CCNC: variants seen among roughly 807,000 people sequenced by gnomAD.
CCNC encodes cyclin-C.
Under a neutral mutation model 50.0 loss-of-function variants are expected in CCNC, and 19 were observed. The ratio of observed to expected loss-of-function variants is 0.38; its 90% CI spans 0.27 to 0.56. The LOEUF is 0.56. CCNC is among the 20% of genes least tolerant of loss of function. The pLI, the probability that CCNC is intolerant of heterozygous loss-of-function variation, is 0.72. For synonymous variants in CCNC, 93 were observed against 103.7 expected, an observed-to-expected ratio of 0.90 and a Z score of 0.63; for missense variants, 200 against 327.1, an observed-to-expected ratio of 0.61 and a Z score of 3.00.
chr6:99,566,433 TA>T (rs1769126772), intron 1 of CCNC, among the ~76,000 whole-genome samples: 1 of 152,098 alleles, frequency 6.6e-6, no homozygotes, highest in Non-Finnish European at 1.5e-5. Flanking sequence ...AGATAGTAAG[TA>T]ACTGTATTTT....
chr6:99,567,722 T>C (rs1453949180), intron 1 of CCNC, among the ~76,000 whole-genome samples: 1 of 152,176 alleles, frequency 6.6e-6, no homozygotes, highest in African/African-American at 2.4e-5. Flanking sequence ...AAATGTTCAA[T>C]TTACCCCATA....
chr6:99,551,792 G>T, intron 6 of CCNC, 48 bp downstream of exon 6: 1 of 1,173,488 alleles, frequency 8.5e-7, no homozygotes, highest in Non-Finnish European at 1.2e-6. Context: ...AATAGAGCTA[G>T]TTTATATATA....
chr6:99,568,780 A>C (rs868585906), upstream of CCNC: 3 of 1,236,808 alleles, frequency 2.4e-6, no homozygotes, highest in African/African-American at 3.1e-5. Context: ...GCCGGAGGGG[A>C]GGTGCTGACC....
At chr6:99,561,816 T>A (rs1802792893) in intron 2 of CCNC, 135 bp from the exon 3 acceptor site, 3 of 580,824 alleles carry the variant, frequency 5.2e-6, no homozygotes, top group Non-Finnish European at 9.2e-6. Flanking sequence ...ACATGCTCTA[T>A]GTGAGTCACA....
chr6:99,543,351 A>C lies in CCNC; in HGVS notation c.*204T>G, dbSNP rs778668406. ...CTGTAGGTCCCCTTAGAACCTTTCCAAACATTTATAATCAAGAGATTTTAA... is the reference window on the plus strand; with the variant it reads ...CTGTAGGTCCCCTTAGAACCTTTCCCAACATTTATAATCAAGAGATTTTAA... On this transcript the variant is annotated 3_prime_UTR_variant, in exon 12 of 12. Transcript: ENST00000520429. 5.5e-6 allele frequency: 3 copies of C among 547,726 alleles called. No individual in the cohort carries two copies. The highest frequency in any genetic ancestry group is 9.5e-6 in the Non-Finnish European group (3 of 314,408). 33.9% of individuals were successfully genotyped at this position (547,726 alleles called of 1,614,324 possible). A position where few individuals can be genotyped will look rare whatever the true frequency, so the allele number is the denominator to read the frequency against.
At chr6:99,554,868 C>T (rs1802449772) in intron 5 of CCNC, among the ~76,000 whole-genome samples, 1 of 152,126 alleles carries the variant, frequency 6.6e-6, no homozygotes, top group South Asian at 2.1e-4. Flanking sequence ...CTTATAGACC[C>T]TTTCAGCTGA....
At chr6:99,549,114 G>A (rs1460875736) in intron 9 of CCNC, among the ~76,000 whole-genome samples, 1 of 152,050 alleles carries the variant, frequency 6.6e-6, no homozygotes, top group Non-Finnish European at 1.5e-5. Flanking sequence ...AAGCATTATG[G>A]ACCACAGATG....
chr6:99,562,198 T>C (rs1442255720), intron 2 of CCNC: 1 of 152,548 alleles, frequency 6.6e-6, no homozygotes, highest in Non-Finnish European at 1.5e-5. Context: ...CTAATTTTTG[T>C]ATTTTTAGTA....
At chr6:99,549,957 T>C (rs1802224098) in intron 8 of CCNC, among the ~76,000 whole-genome samples, 1 of 152,078 alleles carries the variant, frequency 6.6e-6, no homozygotes, top group Admixed American at 6.6e-5. Context: ...AACTTCAGTC[T>C]TAATTTTTAT....
intron 1 of CCNC, 85 bp from the exon 2 acceptor site, chr6:99,563,033 G>T: frequency 2.4e-6 from 2 of 833,684 alleles, no homozygotes; most frequent in Non-Finnish European, 3.8e-6. Flanking sequence ...ATTCTGAGAA[G>T]TACAAAGTGC....
Position 99,543,714 on chromosome 6 carries a change from TACA to T in CCNC, c.798-108_798-106del, listed in dbSNP as rs1219367809. The T allele has an allele frequency of 1.9e-6, 3 of 1,539,628 alleles. No homozygotes were observed. The African/African-American group carries it at 4.1e-5, about 21-fold the overall frequency. On this transcript the variant is annotated intron_variant, in intron 11 of 11. Coordinates refer to ENST00000520429, the MANE Select transcript of CCNC (RefSeq NM_005190.4). ...AATTCATTATTCTGTGGCACAACTA[TACA>T]AAACAAAGACATTCCTCATTATAAG... is the stretch of plus-strand genomic sequence containing the variant.
chr6:99,560,622 A>G (rs1249271311), intron 4 of CCNC, among the ~76,000 whole-genome samples: 1 of 152,214 alleles, frequency 6.6e-6, no homozygotes, highest in Non-Finnish European at 1.5e-5. Flanking sequence ...TTTATGAAAA[A>G]CAGCCAATAT....
chr6:99,560,848 A>G (rs1277241582), intron 4 of CCNC, among the ~76,000 whole-genome samples: 1 of 152,206 alleles, frequency 6.6e-6, no homozygotes, highest in African/African-American at 2.4e-5. Context: ...TAGGCAGCCA[A>G]TCATCAGGAT....
chr6:99,556,888 T>A (rs1012548486), intron 5 of CCNC, among the ~76,000 whole-genome samples: 3 of 152,214 alleles, frequency 2.0e-5, no homozygotes, highest in Non-Finnish European at 4.4e-5. Context: ...GCCACTGCAC[T>A]CCAGCCTGGG....
At position 99,568,653 on chromosome 6, in the gene CCNC, G is replaced by A; in HGVS notation, c.-126C>T. 1.3e-6 allele frequency: 2 copies of A among 1,526,836 alleles called. No homozygotes were observed. The highest frequency in any genetic ancestry group is 1.8e-6 in the Non-Finnish European group (2 of 1,138,722). 94.6% of individuals were successfully genotyped at this position (1,526,836 alleles called of 1,614,324 possible). A position where few individuals can be genotyped will look rare whatever the true frequency, so the allele number is the denominator to read the frequency against. Reference sequence around the variant, plus strand: ...CAGCTCGGCTCGACTCCGCTCCGCGGCGGCGACGGCGAAAGGAAGAGGATG... The same window carrying A: ...CAGCTCGGCTCGACTCCGCTCCGCGACGGCGACGGCGAAAGGAAGAGGATG... On this transcript the variant is annotated 5_prime_UTR_variant, in exon 1 of 12. Coordinates refer to ENST00000520429, the MANE Select transcript of CCNC (RefSeq NM_005190.4).
intron 5 of CCNC, among the ~76,000 whole-genome samples, chr6:99,553,074 A>G (rs1173646469): frequency 6.6e-6 from 1 of 152,060 alleles, no homozygotes; most frequent in Non-Finnish European, 1.5e-5. Flanking sequence ...CATTTCTTCT[A>G]TGCACTATGT....
chr6:99,551,420 A>G (rs909516225), intron 6 of CCNC, among the ~76,000 whole-genome samples: 11 of 152,202 alleles, frequency 7.2e-5, no homozygotes, highest in East Asian at 3.8e-4. Flanking sequence ...AATCCCTTGC[A>G]AGGTGGAAAA....
chr6:99,560,751 T>C (rs964366048), intron 4 of CCNC, among the ~76,000 whole-genome samples: 7 of 152,260 alleles, frequency 4.6e-5, no homozygotes, highest in Middle Eastern at 3.2e-3. Context: ...CCTTACCTAA[T>C]TTCTCTACGC....
In CCNC at chr6:99,543,078, C is replaced by T. The variant is rs1349079600; in HGVS notation, c.*477G>A. Reference sequence around the variant, plus strand: ...TTATCAACATCATTACCAAAATCTTCCAGGATTTTGTAAGATTTGATTCCT... The same window carrying T: ...TTATCAACATCATTACCAAAATCTTTCAGGATTTTGTAAGATTTGATTCCT... On this transcript the variant is annotated 3_prime_UTR_variant, in exon 12 of 12. Coordinates refer to ENST00000520429, the MANE Select transcript of CCNC (RefSeq NM_005190.4). The T allele has an allele frequency of 6.6e-6, 1 of 152,506 alleles. No homozygotes were observed. Among genetic ancestry groups the T allele is most frequent in the Non-Finnish European group, 1.5e-5 (1 of 68,026 alleles). The allele number at this position is 152,506 out of a possible 1,614,324, so 9.4% of individuals were successfully genotyped here.
Sources: allele counts gnomAD v4.1 joint callset (sites outside exome capture counted in the v4.1 genomes callset), GRCh38; gene constraint gnomAD v4.1.1; transcripts MANE v1.5; gene names NCBI Gene and HGNC (gene_info 2026-07-23, HGNC 2026-07-21).